ANKRD28: variants seen among roughly 807,000 people sequenced by gnomAD.
ANKRD28 encodes ankyrin repeat domain 28, also known as serine/threonine-protein phosphatase 6 regulatory ankyrin repeat subunit A.
In ANKRD28, 44 loss-of-function variants were observed where a neutral mutation model predicts 126.5. The observed-to-expected ratio is 0.35, with a 90% CI of 0.27 to 0.45. The LOEUF is 0.45. Ranked by LOEUF, ANKRD28 falls within the 20% of genes least tolerant of loss-of-function variation. The probability of loss-of-function intolerance (pLI) is 1.00; values close to 1 mark genes in which losing one functional copy is unlikely to be tolerated. For missense variants in ANKRD28, 1,110 were observed against 1,316.6 expected (o/e 0.84, Z 2.43); for synonymous variants, 442 against 468.5 (o/e 0.94, Z 0.73).
chr3:15,857,284 C>CATTT (rs1486892135), intron 1 of ANKRD28, among the ~76,000 whole-genome samples: 2 of 152,054 alleles, frequency 1.3e-5, no homozygotes, highest in South Asian at 4.1e-4. Flanking sequence ...TTACAAGTGA[C>CATTT]ATTTATTTAT....
rs773673932 is a variant in ANKRD28 at position 15,679,442 on chromosome 3, CA to C, written c.2477+33del. ...GCAATGGTGTATTTCTTAAAACACT[CA>C]AACCAAATCTGATTCATTCTGGCTT... On this transcript the variant is annotated intron_variant, in intron 22 of 27. Transcript: ENST00000683139. 5 of 1,613,518 alleles carry C rather than the reference CA, an allele frequency of 3.1e-6. No individual in the cohort carries two copies. In the East Asian group the frequency reaches 1.1e-4, roughly 36 times the overall value.
rs1035573788 is a variant in ANKRD28 at position 15,766,266 on chromosome 3, T to A, written c.248A>T (p.Asp83Val). The change falls in exon 3 of 28, where the codon GAT becomes GTT. Residue 83 changes from aspartate (D) to valine (V), a missense_variant. Coordinates refer to ENST00000683139, the MANE Select transcript of ANKRD28 (RefSeq NM_001349278.2). ...TPLHAAAYLG[D>V]AEIIELLILS... ...AATAAGAAGTTCAATGATTTCTGCATCTCCAAGGTAAGCTGCGGCGTGCAA... is the reference window on the plus strand; with the variant it reads ...AATAAGAAGTTCAATGATTTCTGCAACTCCAAGGTAAGCTGCGGCGTGCAA... The A allele has an allele frequency of 2.5e-6, 4 of 1,611,602 alleles. No individual in the cohort carries two copies. The highest frequency in any genetic ancestry group is 2.5e-6 in the Non-Finnish European group (3 of 1,178,364).
intron 6 of ANKRD28, among the ~76,000 whole-genome samples, chr3:15,734,185 AT>A (rs1275348815): frequency 8.5e-5 from 13 of 152,302 alleles, no homozygotes; most frequent in Non-Finnish European, 1.8e-4. Context: ...ATATGCAAGG[AT>A]TTGGGTATAA....
rs1049718610 is a variant in ANKRD28, at chr3:15,727,931, C to G, written c.641-3407G>C. Among the ~76,000 whole-genome samples the G allele has an allele frequency of 1.4e-4, 22 of 152,160 alleles. 1 individual carries two copies. The highest frequency in any genetic ancestry group is 8.5e-4 in the Admixed American group (13 of 15,270). The stretch of plus-strand genomic sequence containing the variant: ...CAACAAAGCTTTTAGAGAAATGACT[C>G]CAATTTTGAAGGAAATTCTACTGTG... On this transcript the variant is annotated intron_variant, in intron 6 of 27. Transcript: ENST00000683139.
At chr3:15,824,038 T>C (rs1207922994) in intron 1 of ANKRD28, among the ~76,000 whole-genome samples, 1 of 152,196 alleles carries the variant, frequency 6.6e-6, no homozygotes, top group Non-Finnish European at 1.5e-5. Context: ...TATTCAACAC[T>C]GTTCTACAAG....
At chr3:15,841,314 C>A (rs554055085) in intron 1 of ANKRD28, among the ~76,000 whole-genome samples, 8 of 152,276 alleles carry the variant, frequency 5.3e-5, no homozygotes, top group African/African-American at 1.9e-4. Flanking sequence ...ACTCCACAAG[C>A]ACAGGCAATC....
rs1226157450 is a variant in ANKRD28, at chr3:15,677,530, T to G, written c.2740A>C (p.Thr914Pro). 1.2e-6 allele frequency: 2 copies of G among 1,613,052 alleles called. No individual in the cohort carries two copies. The highest frequency in any genetic ancestry group is 2.2e-5 in the South Asian group (2 of 91,026). ...GTATTTTTACTGTTATCTTGTAAAG[T>G]CAGTTCTGCACTAGCACTGCTAACC... ...MLVSSASAEL[T>P]LQDNSKNTAL... Residue 914 changes from threonine to proline, a missense_variant, in exon 25 of 28, where the codon ACT becomes CCT. Physicochemically the swap from Thr to Pro is conservative, Grantham distance 38. Transcript: ENST00000683139.
chr3:15,848,952 TA>T, intron 1 of ANKRD28, among the ~76,000 whole-genome samples: 1 of 152,218 alleles, frequency 6.6e-6, no homozygotes, highest in East Asian at 1.9e-4. Flanking sequence ...CTCTAGCCAC[TA>T]AAAAAGTATT....
chr3:15,802,379 T>C (rs972622956), upstream of ANKRD28, among the ~76,000 whole-genome samples: 3 of 152,190 alleles, frequency 2.0e-5, no homozygotes, highest in African/African-American at 7.2e-5. Context: ...CTGACTTTTA[T>C]GTTAGAGAGA....
At chr3:15,793,070 TGA>T (rs1252735461) in intron 2 of ANKRD28, among the ~76,000 whole-genome samples, 1 of 152,150 alleles carries the variant, frequency 6.6e-6, no homozygotes. Context: ...AAGAGAAACC[TGA>T]GTTTCAAAAA....
intron 1 of ANKRD28, among the ~76,000 whole-genome samples, chr3:15,809,596 A>G (rs1488204504): frequency 6.6e-6 from 1 of 152,182 alleles, no homozygotes; most frequent in Non-Finnish European, 1.5e-5. Flanking sequence ...AAAACTGCTC[A>G]TAGGAGGAAT....
In ANKRD28 at chr3:15,816,630, A is replaced by G. The variant is rs1380855127; in HGVS notation, c.28-21324T>C. On this transcript the variant is annotated intron_variant, in intron 1 of 27. Coordinates refer to the ANKRD28 transcript ENST00000399451. This position sits in a 1 kb window ranked among gnomAD's most constrained non-coding sequence, Gnocchi z 5.0. Reference sequence around the variant, plus strand: ...TGTTTGGTGCCCTTTATTTTACTACACTATTTAACCCACTAGATGCTAACT... The same window carrying G: ...TGTTTGGTGCCCTTTATTTTACTACGCTATTTAACCCACTAGATGCTAACT... Among the ~76,000 whole-genome samples, 1 of 151,872 alleles carries G rather than the reference A, an allele frequency of 6.6e-6. No homozygotes were observed. Among genetic ancestry groups the G allele is most frequent in the African/African-American group, 2.4e-5 (1 of 41,126 alleles).
chr3:15,793,789 G>A (rs1015768959), intron 2 of ANKRD28, among the ~76,000 whole-genome samples: 3 of 152,094 alleles, frequency 2.0e-5, no homozygotes, highest in Non-Finnish European at 4.4e-5. Context: ...ATCATGGCCC[G>A]GCACAGTGCC....
At chr3:15,689,930 G>A in intron 18 of ANKRD28, 89 bp downstream of exon 18, 9 of 1,143,564 alleles carry the variant, frequency 7.9e-6, no homozygotes, top group Admixed American at 2.9e-5. Flanking sequence ...AAATTTTAAA[G>A]ACAATTAACT....
chr3:15,784,071 T>C (rs891537864), intron 2 of ANKRD28, among the ~76,000 whole-genome samples: 1 of 151,764 alleles, frequency 6.6e-6, no homozygotes, highest in African/African-American at 2.4e-5. Flanking sequence ...AGAATTCTGG[T>C]ACCCTGGGAA....
At chr3:15,780,273 A>G (rs1410737764) in intron 2 of ANKRD28, among the ~76,000 whole-genome samples, 1 of 152,164 alleles carries the variant, frequency 6.6e-6, no homozygotes, top group Non-Finnish European at 1.5e-5. Context: ...TACTAACAAC[A>G]AACTATCTAA....
chr3:15,673,603 A>AATGCT (rs1243452804), intron 27 of ANKRD28, among the ~76,000 whole-genome samples: 1 of 152,048 alleles, frequency 6.6e-6, no homozygotes, highest in Non-Finnish European at 1.5e-5. Flanking sequence ...AAGGACTGAG[A>AATGCT]ATGCTATGGT....
At chr3:15,679,122 GCAT>G (rs1332830586) in intron 23 of ANKRD28, among the ~76,000 whole-genome samples, 176 bp downstream of exon 23, 1 of 151,478 alleles carries the variant, frequency 6.6e-6, no homozygotes, top group African/African-American at 2.4e-5. Flanking sequence ...TCACAGGCAT[GCAT>G]CATCATGCAC....
chr3:15,721,242 AAGATAAGTACAG>A (rs2073692034), intron 7 of ANKRD28, 115 bp from the exon 8 acceptor site: 4 of 848,020 alleles, frequency 4.7e-6, no homozygotes, highest in Middle Eastern at 3.6e-4. Context: ...AAACGGAGAC[AAGATAAGTACAG>A]AGATAAGGCT....
Sources: gnomAD v4.1 joint callset for allele counts (sites outside exome capture counted in the v4.1 genomes callset) on GRCh38, gnomAD v4.1.1 for gene constraint, Gnocchi (gnomAD v3.1) non-coding constraint, MANE v1.5 for transcripts, NCBI Gene and HGNC (gene_info 2026-07-23, HGNC 2026-07-21) for gene names.